BACH2: variants seen among roughly 807,000 people sequenced by gnomAD.
BACH2 encodes BACH transcriptional regulator 2.
Under a neutral mutation model 61.8 loss-of-function variants are expected in BACH2, and 5 were observed. That is an observed-to-expected ratio of 0.08 (90% CI 0.04 to 0.17). The LOEUF (loss-of-function observed/expected upper bound fraction) is 0.17, where lower values mean the gene tolerates loss of function less well. Ranked by LOEUF, BACH2 falls within the 10% of genes least tolerant of loss-of-function variation. BACH2 has a pLI of 1.00. For missense variants in BACH2, 824 were observed against 1,091.1 expected, an observed-to-expected ratio of 0.76 and a Z score of 3.45; for synonymous variants, 446 against 440.1, an observed-to-expected ratio of 1.01 and a Z score of -0.17.
chr6:90,013,494 C>G (rs887703325), intron 5 of BACH2, among the ~76,000 whole-genome samples: 1 of 144,048 alleles, frequency 6.9e-6, no homozygotes, highest in African/African-American at 2.6e-5. Flanking sequence ...CTTGTTTTCC[C>G]TTTCTTTTTC....
chr6:90,067,824 T>C (rs1204294896), intron 5 of BACH2, among the ~76,000 whole-genome samples: 6 of 152,144 alleles, frequency 3.9e-5, no homozygotes, highest in Admixed American at 3.9e-4. Context: ...TCTAAAAGAC[T>C]ATGCATGCAG....
intron 6 of BACH2, among the ~76,000 whole-genome samples, chr6:89,962,992 C>T (rs1158857037): frequency 1.3e-5 from 2 of 152,058 alleles, no homozygotes; most frequent in South Asian, 2.1e-4. Context: ...ATATAAAGAA[C>T]CCCTATGTAA....
intron 3 of BACH2, among the ~76,000 whole-genome samples, chr6:90,238,972 T>C (rs1050355571): frequency 6.6e-6 from 1 of 152,190 alleles, no homozygotes; most frequent in Admixed American, 6.5e-5. Context: ...AGAAAAAGTA[T>C]ACATTTTAAC....
At chr6:90,077,718 T>C (rs1183782277) in intron 5 of BACH2, among the ~76,000 whole-genome samples, 4 of 152,210 alleles carry the variant, frequency 2.6e-5, no homozygotes, top group African/African-American at 7.2e-5. Flanking sequence ...CTGTCCTGTA[T>C]TTTAATTCCT....
At chr6:90,056,114 C>T (rs1424955419) in intron 5 of BACH2, among the ~76,000 whole-genome samples, 3 of 152,164 alleles carry the variant, frequency 2.0e-5, no homozygotes, top group Non-Finnish European at 4.4e-5. Context: ...CAAATTCACA[C>T]ATAACAATAT....
At chr6:89,979,369 G>A (rs1373435098) in intron 6 of BACH2, among the ~76,000 whole-genome samples, 2 of 152,134 alleles carry the variant, frequency 1.3e-5, no homozygotes, top group East Asian at 3.8e-4. Flanking sequence ...TTTGTACACC[G>A]AAAACACTCC....
intron 4 of BACH2, among the ~76,000 whole-genome samples, chr6:90,101,365 A>G (rs1376227048): frequency 3.9e-5 from 6 of 152,232 alleles, no homozygotes; most frequent in Admixed American, 6.5e-5. Flanking sequence ...GAGTTTTAGA[A>G]TTTTTGCTTG....
At chr6:90,114,085 A>T (rs1459065679) in intron 4 of BACH2, among the ~76,000 whole-genome samples, 2 of 152,160 alleles carry the variant, frequency 1.3e-5, no homozygotes, top group Non-Finnish European at 2.9e-5. Flanking sequence ...ATCCCACCAG[A>T]TGTACAAAGT....
intron 6 of BACH2, among the ~76,000 whole-genome samples, chr6:90,006,518 T>G (rs1180242890): frequency 6.6e-6 from 1 of 152,244 alleles, no homozygotes; most frequent in Non-Finnish European, 1.5e-5. Context: ...TCTAGCTACC[T>G]ACTTGCTAGT....
At chr6:90,093,432 C>A (rs995903357) in intron 4 of BACH2, among the ~76,000 whole-genome samples, 1 of 152,174 alleles carries the variant, frequency 6.6e-6, no homozygotes, top group Non-Finnish European at 1.5e-5. Flanking sequence ...CTGTTTAACA[C>A]AACTTTCTGT....
chr6:90,231,521 C>T (rs11757155), intron 3 of BACH2, among the ~76,000 whole-genome samples: 37,129 of 152,104 alleles, frequency 0.24, 5,432 homozygotes, highest in Non-Finnish European at 0.33. Context: ...TGGGCCAGAG[C>T]CTAATCCAAA....
intron 5 of BACH2, among the ~76,000 whole-genome samples, chr6:90,063,735 T>C (rs957909929): frequency 3.3e-5 from 5 of 152,228 alleles, no homozygotes; most frequent in Non-Finnish European, 7.3e-5. Context: ...CTCTTTCATA[T>C]GGCTGTTGTG....
At chr6:90,201,605 T>G (rs961752332) in intron 4 of BACH2, among the ~76,000 whole-genome samples, 2 of 152,234 alleles carry the variant, frequency 1.3e-5, no homozygotes, top group Non-Finnish European at 2.9e-5. Context: ...TGCCCCAGCT[T>G]GTCTTTTATC....
chr6:90,265,308 CA>C (rs1771288424), intron 2 of BACH2, among the ~76,000 whole-genome samples: 1 of 151,114 alleles, frequency 6.6e-6, no homozygotes, highest in African/African-American at 2.4e-5. Context: ...TAAATAACAG[CA>C]CCCAAAGAGT....
chr6:90,008,461 T>G lies in BACH2; in HGVS notation c.243+141A>C. On this transcript the variant is annotated intron_variant, in intron 6 of 8. Coordinates refer to ENST00000257749, the MANE Select transcript of BACH2 (RefSeq NM_021813.4). The surrounding 1 kb of genome is among the most constrained non-coding windows in gnomAD (Gnocchi z 4.1). ...AAGTGTATCAAATAGAAACTGACTA[T>G]GCCACAGACCTAACATGTGACTTGG... 4.0e-6 allele frequency: 4 copies of G among 1,006,330 alleles called. No individual in the cohort carries two copies. The highest frequency in any genetic ancestry group is 5.8e-6 in the Non-Finnish European group (4 of 689,452). The allele number at this position is 1,006,330 out of a possible 1,614,324, so 62.3% of individuals were successfully genotyped here.
In BACH2 at chr6:90,105,402, C is replaced by A. The variant is rs542478036; in HGVS notation, c.-161-16293G>T. On this transcript the variant is annotated intron_variant, in intron 4 of 8. Coordinates refer to ENST00000257749, the MANE Select transcript of BACH2 (RefSeq NM_021813.4). The stretch of plus-strand genomic sequence containing the variant: ...TTTTACAAAAAATAATTACCTAACA[C>A]TTTCATCTCTTGTGGTTTCTTTATT... Among the ~76,000 whole-genome samples, 3 of 152,332 alleles carry A rather than the reference C, an allele frequency of 2.0e-5. No individual in the cohort carries two copies. In the South Asian group the frequency reaches 6.2e-4, roughly 32 times the overall value.
At chr6:90,099,624 A>G (rs775283178) in intron 4 of BACH2, among the ~76,000 whole-genome samples, 10 of 152,194 alleles carry the variant, frequency 6.6e-5, no homozygotes, top group Admixed American at 3.9e-4. Flanking sequence ...GGTATCTAGT[A>G]AATGGTGATG....
intron 1 of BACH2, among the ~76,000 whole-genome samples, chr6:90,282,286 T>G (rs1370527033): frequency 1.3e-5 from 2 of 152,186 alleles, no homozygotes; most frequent in Admixed American, 6.5e-5. Context: ...ATCCATTAGT[T>G]ATTTTCCCTG....
chr6:90,130,474 G>A (rs1466220457), intron 4 of BACH2, among the ~76,000 whole-genome samples: 1 of 152,222 alleles, frequency 6.6e-6, no homozygotes, highest in Non-Finnish European at 1.5e-5. Flanking sequence ...TTATCATTCA[G>A]TAGAGTATGA....
Sources: allele counts gnomAD v4.1 joint callset (sites outside exome capture counted in the v4.1 genomes callset), GRCh38; gene constraint gnomAD v4.1.1; non-coding constraint Gnocchi (gnomAD v3.1); transcripts MANE v1.5; gene names NCBI Gene and HGNC (gene_info 2026-07-23, HGNC 2026-07-21).